The following IGF2R variants were observed in gnomAD, a reference collection of about 807,000 sequenced individuals.
IGF2R encodes the protein insulin like growth factor 2 receptor, also known as cation-independent mannose-6-phosphate receptor.
A neutral mutation model predicts 270.6 loss-of-function variants in IGF2R; 91 were observed. That is an observed-to-expected ratio of 0.34 (90% confidence interval 0.28 to 0.40). The LOEUF (loss-of-function observed/expected upper bound fraction) is 0.40. IGF2R is among the 10% of genes least tolerant of loss of function. The probability of loss-of-function intolerance (pLI) is 1.00; values close to 1 mark genes in which losing one functional copy is unlikely to be tolerated. For synonymous variants in IGF2R, 1,316 were observed against 1,258.9 expected (o/e 1.05, Z -0.96); for missense variants, 2,805 against 3,188.3 (o/e 0.88, Z 2.90).
chr6:160,061,860 G>C lies in IGF2R; in HGVS notation c.3514G>C (p.Val1172Leu). The C allele has an allele frequency of 6.2e-7, 1 of 1,614,188 alleles. No individual in the cohort carries two copies. Among genetic ancestry groups the C allele is most frequent in the Non-Finnish European group, 8.5e-7 (1 of 1,180,044 alleles). Residue 1172 changes from valine (V) to leucine (L), a missense_variant, in exon 25 of 48, where the codon GTC (valine) becomes CTC (leucine). By Grantham distance (32) the Val-to-Leu change is conservative. Coordinates refer to ENST00000356956, the MANE Select transcript of IGF2R (RefSeq NM_000876.4). ...GAATGGATCTTTGAGCATCATGTAT[G>C]TCAACGGTGACAAGTGTGGGAACCA... ...AANGSLSIMYVNGDKCGNQRF... is the reference protein window; with the variant it reads ...AANGSLSIMYLNGDKCGNQRF...
At chr6:160,088,226 A>G (rs1044811913) in intron 42 of IGF2R, 79 bp downstream of exon 42, 6 of 960,692 alleles carry the variant, frequency 6.2e-6, no homozygotes, top group Non-Finnish European at 1.0e-5. Context: ...TTTCATGGGC[A>G]GGTTTTGGCT....
At chr6:159,989,317 G>T (rs376794165) in intron 1 of IGF2R, among the ~76,000 whole-genome samples, 7 of 151,988 alleles carry the variant, frequency 4.6e-5, no homozygotes, top group African/African-American at 1.5e-4. Context: ...GAGGGCACGT[G>T]GGGGGGCCTG....
chr6:159,985,673 A>T (rs1783870645), intron 1 of IGF2R, among the ~76,000 whole-genome samples: 1 of 152,148 alleles, frequency 6.6e-6, no homozygotes, highest in Admixed American at 6.5e-5. Context: ...ACTGAGCTGT[A>T]TGAAGTGCCA....
rs370778326 is a variant in IGF2R at position 160,102,581 on chromosome 6, G to A, written c.6905G>A (p.Arg2302Gln). 20 of 1,613,572 alleles carry A rather than the reference G, an allele frequency of 1.2e-5. No individual in the cohort carries two copies. The East Asian group carries it at 2.7e-4, about 22-fold the overall frequency. Residue 2302 changes from arginine (R) to glutamine (Q), a missense_variant, in exon 46 of 48, where the codon CGG (arginine) becomes CAG (glutamine). Coordinates refer to ENST00000356956, the MANE Select transcript of IGF2R (RefSeq NM_000876.4). This position sits in a 1 kb window ranked among gnomAD's most constrained non-coding sequence, Gnocchi z 4.5. ...CAGATGCACAAGGGGCTGTCAGAAC[G>A]GAGCCAGGCAGTCGGCGCGGTGCTC... ...DGQMHKGLSE[R>Q]SQAVGAVLSL...
chr6:160,061,965 G>C, intron 25 of IGF2R, 37 bp downstream of exon 25: 2 of 1,590,616 alleles, frequency 1.3e-6, no homozygotes, highest in African/African-American at 1.3e-5. Flanking sequence ...GTTGTCCCCG[G>C]GTGACTCCAT....
chr6:160,094,224 G>A (rs1201936504), intron 44 of IGF2R: 4 of 332,186 alleles, frequency 1.2e-5, no homozygotes, highest in African/African-American at 2.1e-5. Context: ...GTATCCATTC[G>A]CCAGTTCTTC....
chr6:160,060,169 G>A lies in IGF2R; in HGVS notation c.3092-378G>A, dbSNP rs569588512. ...TGTCATCACATAGGCCACCATTGGAGCGAGTGTGTAAACCTGTCATAACAC... is the reference window on the plus strand; with the variant it reads ...TGTCATCACATAGGCCACCATTGGAACGAGTGTGTAAACCTGTCATAACAC... On this transcript the variant is annotated intron_variant, in intron 22 of 47. Transcript: ENST00000356956. Among the ~76,000 whole-genome samples the A allele has an allele frequency of 3.2e-4, 49 of 152,136 alleles. 2 individuals are homozygous for A. The East Asian group carries it at 9.1e-3, about 28-fold the overall frequency.
intron 1 of IGF2R, among the ~76,000 whole-genome samples, chr6:159,976,886 A>C (rs1320056355): frequency 6.6e-6 from 1 of 152,168 alleles, no homozygotes. Context: ...TTGGAAAAAA[A>C]GTTCTCTGTT....
At chr6:159,984,442 G>C (rs2115176883) in intron 1 of IGF2R, among the ~76,000 whole-genome samples, 1 of 152,300 alleles carries the variant, frequency 6.6e-6, no homozygotes, top group South Asian at 2.1e-4. Flanking sequence ...GACTCACCCA[G>C]AGCCGCTTCC....
At chr6:159,999,295 A>C (rs1784094263) in intron 2 of IGF2R, among the ~76,000 whole-genome samples, 1 of 152,252 alleles carries the variant, frequency 6.6e-6, no homozygotes, top group Non-Finnish European at 1.5e-5. Flanking sequence ...ACAGTAGATA[A>C]ACTGGAAATC....
At chr6:159,991,141 G>A (rs1343924980) in intron 1 of IGF2R, 43 bp from the exon 2 acceptor site, 2 of 1,542,522 alleles carry the variant, frequency 1.3e-6, no homozygotes, top group Admixed American at 1.9e-5. Flanking sequence ...TTTAATTTTT[G>A]ATAAATCAGT....
intron 1 of IGF2R, among the ~76,000 whole-genome samples, chr6:159,989,650 T>G (rs1275810474): frequency 6.6e-6 from 1 of 152,256 alleles, no homozygotes; most frequent in African/African-American, 2.4e-5. Context: ...CAGGCTGGCC[T>G]GAAACTGCTG....
intron 22 of IGF2R, 98 bp downstream of exon 22, chr6:160,059,196 G>C: frequency 1.0e-6 from 1 of 955,520 alleles, no homozygotes; most frequent in Non-Finnish European, 1.6e-6. Context: ...CACATCCCCC[G>C]CCACCATGGG....
In IGF2R at chr6:160,029,554, G is replaced by C; in HGVS notation, c.781G>C (p.Val261Leu). 2 of 1,610,892 alleles carry C rather than the reference G, an allele frequency of 1.2e-6. No homozygotes were observed. Among genetic ancestry groups the C allele is most frequent in the Non-Finnish European group, 1.7e-6 (2 of 1,177,080 alleles). ...TTCTCAATGTGGCTCTCCCAGGCTT[G>C]TCCTGAGTTACGTGAGGGAAGAGGC... Reference protein sequence around the residue: ...GLKLVRKDRLVLSYVREEAGK... With the variant: ...GLKLVRKDRLLLSYVREEAGK... The change falls in exon 7 of 48, where the codon GTC becomes CTC. Residue 261 changes from valine (V) to leucine (L), a missense_variant. This residue lies in a region of IGF2R where 954 missense variants were observed against 981.1 expected (regional missense o/e 0.97). Coordinates refer to ENST00000356956, the MANE Select transcript of IGF2R (RefSeq NM_000876.4).
intron 29 of IGF2R, 115 bp downstream of exon 29, chr6:160,065,016 C>T (rs1276749195): frequency 4.3e-6 from 3 of 692,252 alleles, no homozygotes; most frequent in Admixed American, 2.3e-5. Context: ...TTACCTAGGA[C>T]TCGGTTTGCT....
In IGF2R at chr6:160,047,797, G is replaced by A; in HGVS notation, c.2235G>A (p.Glu745=). The A allele has an allele frequency of 6.2e-7, 1 of 1,607,964 alleles. No homozygotes were observed. Among genetic ancestry groups the A allele is most frequent in the Non-Finnish European group, 8.5e-7 (1 of 1,174,362 alleles). The stretch of plus-strand genomic sequence containing the variant: ...GCGCATCTGCCGTGGATTAGGAAGA[G>A]GATAACTCCACCTACAACTTCCGGT... The part of the protein sequence containing the change: ...AGVGFPEYQE[E]DNSTYNFRWY... Residue 745 remains glutamate (E), a synonymous_variant, in exon 17 of 48, where the codon GAG becomes GAA. Coordinates refer to ENST00000356956, the MANE Select transcript of IGF2R (RefSeq NM_000876.4).
intron 15 of IGF2R, 151 bp downstream of exon 15, chr6:160,046,796 G>A: frequency 1.1e-6 from 1 of 907,474 alleles, no homozygotes; most frequent in Non-Finnish European, 1.7e-6. Flanking sequence ...AAGGATGTTA[G>A]GAGTTTAATT....
intron 36 of IGF2R, among the ~76,000 whole-genome samples, chr6:160,077,053 C>T (rs1007075044): frequency 2.0e-5 from 3 of 151,966 alleles, no homozygotes; most frequent in African/African-American, 2.4e-5. Context: ...ACCTGGCAGC[C>T]GCCTGACCAG....
chr6:160,098,348 T>A (rs778695451), intron 45 of IGF2R, among the ~76,000 whole-genome samples: 9 of 151,920 alleles, frequency 5.9e-5, no homozygotes, highest in Non-Finnish European at 1.2e-4. Flanking sequence ...GCTGTTTAAA[T>A]CCCTTAACAC....
Sources: allele counts gnomAD v4.1 joint callset (sites outside exome capture counted in the v4.1 genomes callset), GRCh38; gene constraint gnomAD v4.1.1; regional missense constraint gnomAD v4.1.1; non-coding constraint Gnocchi (gnomAD v3.1); transcripts MANE v1.5; gene names NCBI Gene and HGNC (gene_info 2026-07-23, HGNC 2026-07-21).